BEST3: variants seen among roughly 807,000 people sequenced by gnomAD.
BEST3 encodes bestrophin-3.
In BEST3, 50 loss-of-function variants were observed where a neutral mutation model predicts 47.1. That is an observed-to-expected ratio of 1.06 (90% CI 0.85 to 1.34). BEST3 has a LOEUF of 1.34. BEST3 is among the 40% of genes most tolerant of loss of function. The probability of loss-of-function intolerance (pLI) is 0.00; values close to 1 mark genes in which losing one functional copy is unlikely to be tolerated. For synonymous variants in BEST3, 282 were observed against 298.8 expected (o/e 0.94, Z 0.58); for missense variants, 765 against 817.0 (o/e 0.94, Z 0.78).
intron 4 of BEST3, among the ~76,000 whole-genome samples, chr12:69,693,244 TC>T (rs777321344): frequency 2.9e-5 from 3 of 102,432 alleles, no homozygotes; most frequent in Admixed American, 1.3e-4. Context: ...TCTCTCTCTC[TC>T]TTTTTTTTTT....
intron 9 of BEST3, among the ~76,000 whole-genome samples, chr12:69,644,602 C>T (rs1208338216): frequency 1.3e-5 from 2 of 152,026 alleles, no homozygotes; most frequent in African/African-American, 4.8e-5. Context: ...ATTTACTGAA[C>T]CAATTTTTTA....
intron 9 of BEST3, among the ~76,000 whole-genome samples, chr12:69,668,211 G>A (rs1040147481): frequency 3.3e-5 from 5 of 152,118 alleles, no homozygotes; most frequent in Non-Finnish European, 7.3e-5. Context: ...CGGGTTATGG[G>A]AATTGTGGCT....
chr12:69,657,069 A>G (rs1267144372), intron 9 of BEST3, among the ~76,000 whole-genome samples: 1 of 152,180 alleles, frequency 6.6e-6, no homozygotes, highest in African/African-American at 2.4e-5. Context: ...CATTTAAAAA[A>G]TAAAACAAAT....
chr12:69,670,266 T>C (rs1309764079), intron 9 of BEST3: 1 of 582,012 alleles, frequency 1.7e-6, no homozygotes, highest in Non-Finnish European at 3.1e-6. Flanking sequence ...AGGGATGAGC[T>C]CTCTGGCCTG....
intron 9 of BEST3, among the ~76,000 whole-genome samples, chr12:69,658,607 A>T (rs1883662183): frequency 6.6e-6 from 1 of 152,194 alleles, no homozygotes; most frequent in Non-Finnish European, 1.5e-5. Flanking sequence ...TTAAATTATC[A>T]CTTAAAAGGA....
At chr12:69,693,581 G>A (rs1886011883) in intron 4 of BEST3, 93 bp downstream of exon 4, 2 of 1,089,288 alleles carry the variant, frequency 1.8e-6, no homozygotes, top group Non-Finnish European at 2.7e-6. Context: ...TGTTTCTTGA[G>A]TGAATAAACA....
intron 9 of BEST3, among the ~76,000 whole-genome samples, chr12:69,665,535 G>T (rs945237223): frequency 2.6e-5 from 4 of 152,160 alleles, no homozygotes; most frequent in Non-Finnish European, 4.4e-5. Flanking sequence ...GGAGGTTGCA[G>T]TGAGCTGAGA....
chr12:69,670,301 T>C, intron 9 of BEST3: 2 of 616,296 alleles, frequency 3.2e-6, no homozygotes, highest in South Asian at 3.8e-5. Flanking sequence ...TGGGTGGGTC[T>C]GGTCTTAGAA....
chr12:69,683,555 C>T (rs1565837908), intron 4 of BEST3: 1 of 152,196 alleles, frequency 6.6e-6, no homozygotes, highest in African/African-American at 2.4e-5. Flanking sequence ...TAATCAGAAA[C>T]CCAGAAGAAT....
intron 4 of BEST3, among the ~76,000 whole-genome samples, chr12:69,680,502 G>T (rs1195372649): frequency 6.6e-6 from 1 of 151,608 alleles, no homozygotes; most frequent in East Asian, 1.9e-4. Context: ...TAGAGACGGG[G>T]TTTCACCATG....
At chr12:69,663,222 G>A (rs987117454) in intron 9 of BEST3, among the ~76,000 whole-genome samples, 1 of 152,180 alleles carries the variant, frequency 6.6e-6, no homozygotes, top group Non-Finnish European at 1.5e-5. Context: ...GTGAAGACAG[G>A]CATTCTAACT....
intron 5 of BEST3, 87 bp from the exon 6 acceptor site, chr12:69,677,344 T>C: frequency 8.4e-7 from 1 of 1,191,306 alleles, no homozygotes. Flanking sequence ...TGAGCATGTC[T>C]TTTACAGGAC....
At chr12:69,676,867 G>T (rs1884953331) in intron 7 of BEST3, 49 bp downstream of exon 7, 2 of 1,574,830 alleles carry the variant, frequency 1.3e-6, no homozygotes, top group Admixed American at 1.7e-5. Flanking sequence ...AGTGTGGAGA[G>T]TCTGGAACAT....
intron 4 of BEST3, chr12:69,684,754 T>C: frequency 2.3e-6 from 1 of 439,262 alleles, no homozygotes; most frequent in East Asian, 3.3e-5. Context: ...GCTACAGCTG[T>C]CCTTTCCATT....
intron 4 of BEST3, among the ~76,000 whole-genome samples, chr12:69,681,737 G>A (rs1320045458): frequency 6.6e-6 from 1 of 152,170 alleles, no homozygotes; most frequent in Non-Finnish European, 1.5e-5. Flanking sequence ...TAGGGCAGGA[G>A]TTCTCAACCC....
rs765360570 is a variant in BEST3 at position 69,694,466 on chromosome 12, T to A, written c.153-2A>T. On this transcript the variant is annotated splice_acceptor_variant, in intron 2 of 9. Transcript: ENST00000330891. LOFTEE classifies it high-confidence loss of function. Reference sequence around the variant, plus strand: ...TTTTGGACTCCTGTAAGTAACAATCTGGAGCAAAAATAAAATGCACAGCCC... The same window carrying A: ...TTTTGGACTCCTGTAAGTAACAATCAGGAGCAAAAATAAAATGCACAGCCC... 1 of 1,570,704 alleles carries A rather than the reference T, an allele frequency of 6.4e-7. No homozygotes were observed. The highest frequency in any genetic ancestry group is 1.4e-5 in the African/African-American group (1 of 73,580).
Position 69,676,953 on chromosome 12 carries a change from G to C in BEST3, c.830C>G (p.Thr277Ser). Residue 277 changes from threonine (T) to serine (S), a missense_variant, in exon 7 of 10, where the codon ACC (threonine) becomes AGC (serine). Physicochemically the swap from Thr to Ser is moderately conservative, Grantham distance 58. Coordinates refer to ENST00000330891, the MANE Select transcript of BEST3 (RefSeq NM_032735.3). ...HDLDLYIPIF[T>S]LLQFFFYAGW... ...TGCATAGAAGAAGAATTGTAGGAGG[G>C]TGAAGATGGGAATGTAAAGATCCAA... 5.6e-6 allele frequency: 9 copies of C among 1,614,034 alleles called. No homozygotes were observed. The highest frequency in any genetic ancestry group is 5.9e-6 in the Non-Finnish European group (7 of 1,179,958).
At chr12:69,695,073 T>C (rs1284066151) in intron 2 of BEST3, among the ~76,000 whole-genome samples, 2 of 152,214 alleles carry the variant, frequency 1.3e-5, no homozygotes, top group Non-Finnish European at 2.9e-5. Context: ...ATTTATATTA[T>C]AGATCTAACC....
At chr12:69,676,099 A>G (rs563180646) in intron 7 of BEST3, among the ~76,000 whole-genome samples, 1 of 152,194 alleles carries the variant, frequency 6.6e-6, no homozygotes, top group Non-Finnish European at 1.5e-5. Flanking sequence ...GTGGTGGTGA[A>G]GGGAGGGGAA....
Sources: gnomAD v4.1 joint callset for allele counts (sites outside exome capture counted in the v4.1 genomes callset) on GRCh38, gnomAD v4.1.1 for gene constraint, MANE v1.5 for transcripts, NCBI Gene and HGNC (gene_info 2026-07-23, HGNC 2026-07-21) for gene names.